MCTP1: variants seen among roughly 807,000 people sequenced by gnomAD.
The protein encoded by MCTP1 is multiple C2 and transmembrane domain containing 1.
A neutral mutation model predicts 120.6 loss-of-function variants in MCTP1; 69 were observed. That is an observed-to-expected ratio of 0.57 (90% CI 0.47 to 0.70). The LOEUF is 0.70. MCTP1 is among the 30% of genes least tolerant of loss of function. The pLI is 0.00. For missense variants in MCTP1, 1,203 were observed against 1,248.8 expected, an observed-to-expected ratio of 0.96 and a Z score of 0.55; for synonymous variants, 529 against 493.1, an observed-to-expected ratio of 1.07 and a Z score of -0.96.
At chr5:95,168,322 G>C (rs1381464119) in intron 1 of MCTP1, among the ~76,000 whole-genome samples, 3 of 152,258 alleles carry the variant, frequency 2.0e-5, no homozygotes, top group Non-Finnish European at 4.4e-5. Flanking sequence ...TTTGAAGTCA[G>C]GTAGCATGAT....
At chr5:94,843,356 C>T (rs917240566) in intron 17 of MCTP1, among the ~76,000 whole-genome samples, 2 of 152,050 alleles carry the variant, frequency 1.3e-5, no homozygotes, top group East Asian at 1.9e-4. Flanking sequence ...GGATTACAAT[C>T]GTGTGTATGT....
intron 1 of MCTP1, among the ~76,000 whole-genome samples, chr5:95,105,641 C>T (rs1219765179): frequency 6.6e-6 from 1 of 152,056 alleles, no homozygotes; most frequent in African/African-American, 2.4e-5. Context: ...AGGAATGGAA[C>T]ATGCAGAGAA....
chr5:94,823,253 GT>G (rs1302938164), intron 17 of MCTP1, among the ~76,000 whole-genome samples: 1 of 152,146 alleles, frequency 6.6e-6, no homozygotes, highest in African/African-American at 2.4e-5. Flanking sequence ...TCCAGTTTAA[GT>G]TTTCAGTATA....
At chr5:95,018,947 C>T (rs376327283) in intron 1 of MCTP1, among the ~76,000 whole-genome samples, 2 of 152,044 alleles carry the variant, frequency 1.3e-5, no homozygotes, top group East Asian at 3.9e-4. Context: ...ATTTTTCACA[C>T]TTTTAAAAGT....
chr5:94,979,746 A>T (rs1828991435), intron 2 of MCTP1: 1 of 152,098 alleles, frequency 6.6e-6, no homozygotes, highest in South Asian at 2.1e-4. Context: ...GGGGCCCGTG[A>T]TGACTGTGTG....
intron 2 of MCTP1, among the ~76,000 whole-genome samples, chr5:95,014,138 C>A (rs1836609204): frequency 6.6e-6 from 1 of 152,018 alleles, no homozygotes; most frequent in East Asian, 1.9e-4. Flanking sequence ...GCGACACAAA[C>A]TTGTAGTCCT....
chr5:95,186,494 A>G (rs887513078), intron 1 of MCTP1, among the ~76,000 whole-genome samples: 1 of 152,170 alleles, frequency 6.6e-6, no homozygotes, highest in Non-Finnish European at 1.5e-5. Flanking sequence ...TAAAAATTGC[A>G]AAATGCTGAT....
chr5:94,720,327 CAT>C (rs1179891030), intron 19 of MCTP1, among the ~76,000 whole-genome samples: 1 of 151,530 alleles, frequency 6.6e-6, no homozygotes, highest in Non-Finnish European at 1.5e-5. Flanking sequence ...TGTCAAAAGT[CAT>C]AAATTTAAAA....
chr5:95,198,478 A>T (rs752169090), intron 1 of MCTP1, among the ~76,000 whole-genome samples: 1 of 152,174 alleles, frequency 6.6e-6, no homozygotes, highest in African/African-American at 2.4e-5. Context: ...TGTGTTAGAC[A>T]ATTTTGCCCA....
intron 10 of MCTP1, among the ~76,000 whole-genome samples, chr5:94,901,956 C>T (rs752296169): frequency 6.6e-6 from 1 of 152,114 alleles, no homozygotes; most frequent in Non-Finnish European, 1.5e-5. Context: ...ACAGGTGGCT[C>T]ATACATCACA....
chr5:94,802,734 A>G (rs1318351032), intron 17 of MCTP1, among the ~76,000 whole-genome samples: 1 of 152,228 alleles, frequency 6.6e-6, no homozygotes. Flanking sequence ...TTAAAATGGG[A>G]TGGAAAAAGA....
At chr5:94,851,491 A>G (rs981611753) in intron 17 of MCTP1, among the ~76,000 whole-genome samples, 1 of 152,028 alleles carries the variant, frequency 6.6e-6, no homozygotes, top group Non-Finnish European at 1.5e-5. Context: ...TAATATTGCT[A>G]TTTATACAGT....
Position 94,714,810 on chromosome 5 carries a change from T to C in MCTP1, c.2687A>G (p.Asp896Gly). 6.2e-7 allele frequency: 1 copy of C among 1,611,778 alleles called. No homozygotes were observed. The highest frequency in any genetic ancestry group is 1.1e-5 in the South Asian group (1 of 91,014). ...EVCVSVQNIL[D>G]EVASFGERIK... ...CCTTTCGCCAAAGGAAGCCACTTCATCTAGGATGTTCTGGACACTGACACA... is the reference window on the plus strand; with the variant it reads ...CCTTTCGCCAAAGGAAGCCACTTCACCTAGGATGTTCTGGACACTGACACA... The change falls in exon 20 of 23, where the codon GAT becomes GGT. Residue 896 changes from aspartate (D) to glycine (G), a missense_variant. Coordinates refer to ENST00000515393, the MANE Select transcript of MCTP1 (RefSeq NM_024717.7).
intron 2 of MCTP1, among the ~76,000 whole-genome samples, chr5:95,002,101 T>A (rs1192983881): frequency 6.6e-6 from 1 of 152,232 alleles, no homozygotes; most frequent in Non-Finnish European, 1.5e-5. Flanking sequence ...CTTCCATTTA[T>A]GGTGTTGAGC....
At chr5:95,248,887 A>G (rs1006447042) in intron 1 of MCTP1, among the ~76,000 whole-genome samples, 2 of 152,188 alleles carry the variant, frequency 1.3e-5, no homozygotes, top group Admixed American at 6.5e-5. Context: ...GCTTTGACAA[A>G]TCTGACAAAA....
chr5:95,284,109 G>A lies in MCTP1; in HGVS notation c.467C>T (p.Ala156Val), dbSNP rs754966669. Residue 156 changes from alanine (A) to valine (V), a missense_variant, in exon 1 of 23, where the codon GCT becomes GTT. By Grantham distance (64) the Ala-to-Val change is moderately conservative (BLOSUM62 0). Coordinates refer to ENST00000515393, the MANE Select transcript of MCTP1 (RefSeq NM_024717.7). The surrounding 1 kb of genome is among the most constrained non-coding windows in gnomAD (Gnocchi z 5.2). ...TPPGGRSPDS[A>V]PSSSSASSSL... ...GGATGAGGCGGAGGAAGAGGAAGGA[G>A]CTGAGTCGGGGGAGCGTCCGCCAGG... The A allele has an allele frequency of 2.6e-6, 4 of 1,551,418 alleles. No individual in the cohort carries two copies. Among genetic ancestry groups the A allele is most frequent in the East Asian group, 4.9e-5 (2 of 41,122 alleles).
intron 1 of MCTP1, among the ~76,000 whole-genome samples, chr5:95,214,668 T>A (rs1483588059): frequency 6.6e-6 from 1 of 152,102 alleles, no homozygotes; most frequent in Admixed American, 6.5e-5. Flanking sequence ...ATATACACCA[T>A]GGAATACTAT....
intron 19 of MCTP1, among the ~76,000 whole-genome samples, chr5:94,747,930 A>G (rs1767308160): frequency 6.6e-6 from 1 of 152,082 alleles, no homozygotes; most frequent in Non-Finnish European, 1.5e-5. Context: ...GTCTCTACTA[A>G]AAGTATAAAA....
chr5:94,731,860 A>AT (rs578260918), intron 19 of MCTP1, among the ~76,000 whole-genome samples: 2 of 152,334 alleles, frequency 1.3e-5, no homozygotes, highest in Admixed American at 1.3e-4. Flanking sequence ...ATCAAAACTA[A>AT]TTTTTACATT....
Sources: gnomAD v4.1 joint callset for allele counts (sites outside exome capture counted in the v4.1 genomes callset) on GRCh38, gnomAD v4.1.1 for gene constraint, Gnocchi (gnomAD v3.1) non-coding constraint, MANE v1.5 for transcripts, NCBI Gene and HGNC (gene_info 2026-07-23, HGNC 2026-07-21) for gene names.